Variants in KSR1 observed in about 807,000 individuals in gnomAD.
The protein encoded by KSR1 is kinase suppressor of ras 1.
A neutral mutation model predicts 92.9 loss-of-function variants in KSR1; 35 were observed. The ratio of observed to expected loss-of-function variants is 0.38; its 90% CI spans 0.29 to 0.50. The LOEUF (loss-of-function observed/expected upper bound fraction) is 0.50. KSR1 is among the 20% of genes least tolerant of loss of function. The pLI is 0.94. For synonymous variants in KSR1, 467 were observed against 472.6 expected (o/e 0.99, Z 0.15); for missense variants, 972 against 1,158.5 (o/e 0.84, Z 2.34).
intron 2 of KSR1, among the ~76,000 whole-genome samples, chr17:27,569,496 G>T (rs1176450491): frequency 6.6e-6 from 1 of 152,256 alleles, no homozygotes; most frequent in Non-Finnish European, 1.5e-5. Context: ...CAACAGCATT[G>T]CTATGTGTTT....
rs749932404 is a variant in KSR1, at chr17:27,590,933, T to A, written c.1130+39T>A. ...GAGTGGGGGTGGGGGGAGCAGACAC[T>A]TTTAGTTCAGTAAATCAAATGCGCT... On this transcript the variant is annotated intron_variant, in intron 7 of 20. Coordinates refer to ENST00000644974, the MANE Select transcript of KSR1 (RefSeq NM_001394583.1). 3.2e-6 allele frequency: 5 copies of A among 1,540,588 alleles called. No individual in the cohort carries two copies. In the African/African-American group the frequency reaches 6.8e-5, roughly 21 times the overall value.
Position 27,487,206 on chromosome 17 carries a change from G to A in KSR1, c.231+30332G>A, listed in dbSNP as rs149207346. On this transcript the variant is annotated intron_variant, in intron 1 of 20. Coordinates refer to ENST00000644974, the MANE Select transcript of KSR1 (RefSeq NM_001394583.1). ...TCTTAGCACTTTGGGAGGCCTAGGC[G>A]GGTGGATCACCTGAGGTCAGGAGTT... is the stretch of plus-strand genomic sequence containing the variant. 9.9e-3 allele frequency among the ~76,000 whole-genome samples: 1,500 copies of A among 151,974 alleles called. 11 individuals are homozygous for A. Among genetic ancestry groups the A allele is most frequent in the Non-Finnish European group, 0.015 (1,035 of 67,950 alleles).
intron 1 of KSR1, among the ~76,000 whole-genome samples, chr17:27,475,808 G>A (rs939497798): frequency 4.6e-5 from 7 of 152,220 alleles, no homozygotes; most frequent in African/African-American, 1.4e-4. Flanking sequence ...CATGCGATGG[G>A]TGGGTCATCA....
At chr17:27,560,905 A>G (rs868582172) in intron 2 of KSR1, among the ~76,000 whole-genome samples, 6 of 152,148 alleles carry the variant, frequency 3.9e-5, no homozygotes, top group African/African-American at 1.4e-4. Context: ...ATCTGTGCCA[A>G]TGTGTCAGCC....
intron 1 of KSR1, among the ~76,000 whole-genome samples, chr17:27,503,387 A>G (rs1173226631): frequency 1.3e-5 from 2 of 152,108 alleles, no homozygotes; most frequent in African/African-American, 2.4e-5. Context: ...CTGTCCCCAA[A>G]TGTTAATAGT....
chr17:27,616,413 C>T (rs1360284979), intron 18 of KSR1, among the ~76,000 whole-genome samples: 2 of 152,174 alleles, frequency 1.3e-5, no homozygotes, highest in Non-Finnish European at 2.9e-5. Flanking sequence ...ATTTTCATTT[C>T]AAGCACTTTC....
At chr17:27,519,318 G>A (rs1314006629) in intron 1 of KSR1, among the ~76,000 whole-genome samples, 1 of 152,212 alleles carries the variant, frequency 6.6e-6, no homozygotes, top group Non-Finnish European at 1.5e-5. Flanking sequence ...TGTGGCTCAA[G>A]TGTGGGGCCA....
At chr17:27,596,484 G>T (rs1204993231) in intron 9 of KSR1, among the ~76,000 whole-genome samples, 1 of 152,224 alleles carries the variant, frequency 6.6e-6, no homozygotes, top group African/African-American at 2.4e-5. Context: ...GAGTGTGGAA[G>T]GGATGACATT....
intron 6 of KSR1, among the ~76,000 whole-genome samples, chr17:27,590,149 C>T (rs2073112852): frequency 6.6e-6 from 1 of 152,220 alleles, no homozygotes; most frequent in South Asian, 2.1e-4. Flanking sequence ...ACCTTTAGTT[C>T]TCCCTAGTTG....
chr17:27,577,114 G>C lies in KSR1; in HGVS notation c.373-378G>C, dbSNP rs1385726987. ...TTTGAAATCTCTCTTATCTGATTCA[G>C]ATACAACAAAATTGTGAAGGGCCAT... On this transcript the variant is annotated intron_variant, in intron 2 of 20. Transcript: ENST00000644974. The surrounding 1 kb of genome is among the most constrained non-coding windows in gnomAD (Gnocchi z 4.5). Among the ~76,000 whole-genome samples the C allele has an allele frequency of 1.3e-5, 2 of 151,762 alleles. No homozygotes were observed. Among genetic ancestry groups the C allele is most frequent in the African/African-American group, 4.8e-5 (2 of 41,262 alleles).
intron 1 of KSR1, among the ~76,000 whole-genome samples, chr17:27,462,745 A>G (rs73983434): frequency 0.041 from 6,302 of 152,324 alleles, 402 homozygotes; most frequent in African/African-American, 0.14. Flanking sequence ...AAAGTACTAG[A>G]TGTACAACAG....
chr17:27,531,253 C>T (rs1269443068), intron 1 of KSR1, among the ~76,000 whole-genome samples: 1 of 152,242 alleles, frequency 6.6e-6, no homozygotes, highest in African/African-American at 2.4e-5. Context: ...TGTTGAACCT[C>T]GAGGAGGCTG....
chr17:27,523,150 G>C (rs1233741316), intron 1 of KSR1, among the ~76,000 whole-genome samples: 3 of 152,174 alleles, frequency 2.0e-5, no homozygotes, highest in Non-Finnish European at 4.4e-5. Context: ...AAACTAGCAT[G>C]CAAGTGCTCA....
At chr17:27,489,260 T>C (rs1274962508) in intron 1 of KSR1, among the ~76,000 whole-genome samples, 1 of 152,188 alleles carries the variant, frequency 6.6e-6, no homozygotes, top group East Asian at 1.9e-4. Flanking sequence ...TGGAGAAGTA[T>C]GCTGATGGGA....
chr17:27,548,000 A>T (rs1007334422), intron 1 of KSR1, among the ~76,000 whole-genome samples: 1 of 152,210 alleles, frequency 6.6e-6, no homozygotes, highest in Non-Finnish European at 1.5e-5. Flanking sequence ...GGCGTGAGCC[A>T]CCATGACTGG....
rs571121318 is a variant in KSR1, at chr17:27,555,825, A to G, written c.372+5117A>G. Among the ~76,000 whole-genome samples the G allele has an allele frequency of 2.0e-5, 3 of 152,334 alleles. No individual in the cohort carries two copies. The South Asian group carries it at 6.2e-4, about 32-fold the overall frequency. On this transcript the variant is annotated intron_variant, in intron 2 of 20. Coordinates refer to ENST00000644974, the MANE Select transcript of KSR1 (RefSeq NM_001394583.1). Reference sequence around the variant, plus strand: ...CCACTGGAACGTTTTCATCTTCTCAAATGAACCATTGGTTTTATTAGAAGA... The same window carrying G: ...CCACTGGAACGTTTTCATCTTCTCAGATGAACCATTGGTTTTATTAGAAGA...
chr17:27,619,310 T>TA (rs1404712852), intron 19 of KSR1, among the ~76,000 whole-genome samples: 1 of 152,124 alleles, frequency 6.6e-6, no homozygotes, highest in Non-Finnish European at 1.5e-5. Context: ...TGTTCTTTGT[T>TA]ACTGTTTTTT....
At chr17:27,599,492 G>A (rs1404869485) in intron 10 of KSR1, among the ~76,000 whole-genome samples, 2 of 152,240 alleles carry the variant, frequency 1.3e-5, no homozygotes, top group African/African-American at 2.4e-5. Flanking sequence ...AGGATGTGGA[G>A]GTTGCAGTGA....
chr17:27,509,521 C>T (rs2069520313), intron 1 of KSR1, among the ~76,000 whole-genome samples: 1 of 151,714 alleles, frequency 6.6e-6, no homozygotes, highest in African/African-American at 2.4e-5. Context: ...GATCTCCTGA[C>T]CTCGTGATCT....
Sources: allele counts gnomAD v4.1 joint callset (sites outside exome capture counted in the v4.1 genomes callset), GRCh38; gene constraint gnomAD v4.1.1; non-coding constraint Gnocchi (gnomAD v3.1); transcripts MANE v1.5; gene names NCBI Gene and HGNC (gene_info 2026-07-23, HGNC 2026-07-21).